RRBP1: variants seen among roughly 807,000 people sequenced by gnomAD.
RRBP1 encodes ribosome-binding protein 1.
RRBP1 carries 94 observed loss-of-function variants against 165.2 expected under a neutral mutation model. The ratio of observed to expected loss-of-function variants is 0.57; its 90% CI spans 0.48 to 0.68. RRBP1 has a LOEUF of 0.68. Among genes scored for constraint, RRBP1 ranks in the 30% least tolerant of loss-of-function variants. The probability of loss-of-function intolerance (pLI) is 0.00; values close to 1 mark genes in which losing one functional copy is unlikely to be tolerated. For missense variants in RRBP1, 1,676 were observed against 1,763.0 expected (o/e 0.95, Z 0.88); for synonymous variants, 680 against 714.5 (o/e 0.95, Z 0.77).
intron 5 of RRBP1, among the ~76,000 whole-genome samples, chr20:17,638,071 C>T (rs966244995): frequency 1.3e-5 from 2 of 152,154 alleles, no homozygotes; most frequent in African/African-American, 2.4e-5. Flanking sequence ...GGAATGAGGA[C>T]GCCTGCCCTT....
chr20:17,635,409 T>G, intron 7 of RRBP1, 137 bp downstream of exon 7: 1 of 642,490 alleles, frequency 1.6e-6, no homozygotes, highest in Non-Finnish European at 2.6e-6. Flanking sequence ...AGACGGGAGA[T>G]GGAAGGTCAG....
Position 17,676,817 on chromosome 20 carries a change from G to C in RRBP1, c.-22+3182C>G, listed in dbSNP as rs1466960973. 2.0e-5 allele frequency among the ~76,000 whole-genome samples: 3 copies of C among 152,222 alleles called. No individual in the cohort carries two copies. The East Asian group carries it at 5.8e-4, about 29-fold the overall frequency. ...CTAGGCTGGAGTGTAGTATGATCTTGGCTCACTGCAACCTCCACCTTCCAG... is the reference window on the plus strand; with the variant it reads ...CTAGGCTGGAGTGTAGTATGATCTTCGCTCACTGCAACCTCCACCTTCCAG... On this transcript the variant is annotated intron_variant, in intron 2 of 24. Transcript: ENST00000377813.
intron 5 of RRBP1, among the ~76,000 whole-genome samples, chr20:17,637,982 G>A (rs914655789): frequency 1.3e-5 from 2 of 152,318 alleles, no homozygotes; most frequent in Non-Finnish European, 1.5e-5. Context: ...CTTGTCCAAG[G>A]CTGGGGAGCA....
At chr20:17,640,605 C>T (rs1380665054) in intron 5 of RRBP1, among the ~76,000 whole-genome samples, 1 of 152,154 alleles carries the variant, frequency 6.6e-6, no homozygotes, top group Non-Finnish European at 1.5e-5. Flanking sequence ...CACCGTTAAC[C>T]TTCTCCTCAC....
intron 2 of RRBP1, among the ~76,000 whole-genome samples, chr20:17,670,796 T>G (rs2036962688): frequency 1.3e-5 from 2 of 152,320 alleles, no homozygotes; most frequent in Non-Finnish European, 2.9e-5. Flanking sequence ...TTCCCTTGAG[T>G]TGCTGTATCA....
intron 20 of RRBP1, among the ~76,000 whole-genome samples, chr20:17,617,946 G>C (rs1479488232): frequency 1.3e-5 from 2 of 152,252 alleles, no homozygotes; most frequent in Non-Finnish European, 2.9e-5. Context: ...CGGTGAGGCT[G>C]GGTGGAGCCT....
At chr20:17,651,349 A>T (rs984169454) in intron 3 of RRBP1, among the ~76,000 whole-genome samples, 1 of 152,174 alleles carries the variant, frequency 6.6e-6, no homozygotes, top group East Asian at 1.9e-4. Flanking sequence ...CTAAATTAAA[A>T]ACGTACCCAC....
In RRBP1 at chr20:17,621,896, G is replaced by A. The variant is rs2035921423; in HGVS notation, c.3199C>T (p.Leu1067=). The A allele has an allele frequency of 1.2e-6, 2 of 1,613,802 alleles. No homozygotes were observed. Among genetic ancestry groups the A allele is most frequent in the Non-Finnish European group, 1.7e-6 (2 of 1,180,018 alleles). Residue 1067 remains leucine (L), a synonymous_variant, in exon 14 of 25, where the codon CTG becomes TTG. Transcript: ENST00000377813. ...CLIEAQTMEA[L]LALLPELSVL... Reference sequence around the variant, plus strand: ...GAGAGTTCTGGGAGCAGAGCCAGCAGGGCCTCCATGGTCTGCGCCTCAATC... The same window carrying A: ...GAGAGTTCTGGGAGCAGAGCCAGCAAGGCCTCCATGGTCTGCGCCTCAATC...
Position 17,625,575 on chromosome 20 carries a change from C to T in RRBP1, c.2991G>A (p.Ser997=), listed in dbSNP as rs145483952. ...GCTCGATGGCCTCCTTCTCCAGACC[C>T]GACACCTGGGACTCCAGCTCCTTGA... ...TRLKELESQV[S]GLEKEAIELR... Residue 997 remains serine (S), a synonymous_variant, in exon 12 of 25, where the codon TCG becomes TCA. Coordinates refer to ENST00000377813, the MANE Select transcript of RRBP1 (RefSeq NM_001365613.2). 11,650 of 1,613,944 alleles carry T rather than the reference C, an allele frequency of 7.2e-3. 177 individuals carry two copies. The highest frequency in any genetic ancestry group is 0.033 in the South Asian group (3,018 of 91,068).
chr20:17,624,677 G>A lies in RRBP1; in HGVS notation c.3055-9C>T, dbSNP rs372555433. 1.4e-5 allele frequency: 22 copies of A among 1,564,434 alleles called. No homozygotes were observed. Among genetic ancestry groups the A allele is most frequent in the African/African-American group, 1.2e-4 (9 of 74,244 alleles). On this transcript the variant is annotated splice_polypyrimidine_tract_variant and intron_variant, in intron 12 of 24. Coordinates refer to ENST00000377813, the MANE Select transcript of RRBP1 (RefSeq NM_001365613.2). ...TTCTTCTCCCGGAGGTCCTGGAGGG[G>A]ACACAGGTGAAAGGTCAGCAGCCTG...
At chr20:17,664,436 G>A (rs1368574607) in intron 2 of RRBP1, among the ~76,000 whole-genome samples, 1 of 152,168 alleles carries the variant, frequency 6.6e-6, no homozygotes, top group Non-Finnish European at 1.5e-5. Flanking sequence ...TAGATAAAGG[G>A]GGACTACGAT....
chr20:17,634,904 G>A (rs1052526553), intron 7 of RRBP1, among the ~76,000 whole-genome samples: 1 of 152,174 alleles, frequency 6.6e-6, no homozygotes, highest in Non-Finnish European at 1.5e-5. Context: ...CTCCCACACT[G>A]GACTTCCCCT....
chr20:17,654,956 G>A (rs2036622318), intron 3 of RRBP1, among the ~76,000 whole-genome samples: 1 of 152,140 alleles, frequency 6.6e-6, no homozygotes, highest in African/African-American at 2.4e-5. Flanking sequence ...TTTCACAATG[G>A]CAAAGAGAGT....
Position 17,658,689 on chromosome 20 carries a change from C to A in RRBP1, c.1819G>T (p.Gly607Cys). Residue 607 changes from glycine to cysteine, a missense_variant, in exon 3 of 25, where the codon GGC becomes TGC. Physicochemically the swap from Gly to Cys is radical, Grantham distance 159. This residue lies in a region of RRBP1 where 1,184 missense variants were observed against 1,167.1 expected (regional missense o/e 1.01). Coordinates refer to ENST00000377813, the MANE Select transcript of RRBP1 (RefSeq NM_001365613.2). ...CTCTGGGCCACATCTGTATTTCTGC[C>A]CTGGACAGAAGCTGACTCTGTCTTT... ...GKKTESASVQ[G>C]RNTDVAQSPE... 6.2e-7 allele frequency: 1 copy of A among 1,614,242 alleles called. No individual in the cohort carries two copies. The highest frequency in any genetic ancestry group is 8.5e-7 in the Non-Finnish European group (1 of 1,180,040).
At chr20:17,626,605 C>T (rs557819458) in intron 11 of RRBP1, among the ~76,000 whole-genome samples, 2 of 152,288 alleles carry the variant, frequency 1.3e-5, no homozygotes, top group Admixed American at 1.3e-4. Context: ...TGCAGGACAC[C>T]CTCCATGCCT....
intron 13 of RRBP1, among the ~76,000 whole-genome samples, chr20:17,622,400 G>A (rs2122264872): frequency 6.6e-6 from 1 of 152,238 alleles, no homozygotes; most frequent in Middle Eastern, 3.4e-3. Flanking sequence ...GCTGTGATGG[G>A]GATGGGGGTG....
At position 17,629,871 on chromosome 20, in the gene RRBP1, G is replaced by A; in HGVS notation, c.2701C>T (p.Leu901Phe). The A allele has an allele frequency of 6.2e-7, 1 of 1,600,050 alleles. No individual in the cohort carries two copies. The highest frequency in any genetic ancestry group is 8.5e-7 in the Non-Finnish European group (1 of 1,179,496). Residue 901 changes from leucine to phenylalanine, a missense_variant, in exon 9 of 25, where the codon CTC becomes TTC. Physicochemically the swap from Leu to Phe is conservative, Grantham distance 22. Coordinates refer to ENST00000377813, the MANE Select transcript of RRBP1 (RefSeq NM_001365613.2). The stretch of plus-strand genomic sequence containing the variant: ...TGGGCCTTCTCGGCATCCGCCCGGA[G>A]GCTGGCGTGGCTGCTCTGCGTGTGG... ...LCHTQSSHAS[L>F]RADAEKAQEQ...
chr20:17,622,089 GAGA>G, intron 13 of RRBP1, 142 bp from the exon 14 acceptor site: 2 of 662,550 alleles, frequency 3.0e-6, no homozygotes, highest in African/African-American at 1.8e-5. Context: ...AGAATCAAAG[GAGA>G]AGATGAGGCT....
At chr20:17,681,268 G>A (rs1456100289) in intron 1 of RRBP1, among the ~76,000 whole-genome samples, 2 of 148,416 alleles carry the variant, frequency 1.3e-5, no homozygotes, top group South Asian at 2.1e-4. Context: ...GCTCCGCGCA[G>A]CCCAGCCGGG....
Sources: gnomAD v4.1 joint callset for allele counts (sites outside exome capture counted in the v4.1 genomes callset) on GRCh38, gnomAD v4.1.1 for gene constraint, gnomAD v4.1.1 regional missense constraint, MANE v1.5 for transcripts, NCBI Gene and HGNC (gene_info 2026-07-23, HGNC 2026-07-21) for gene names.